The following AGBL1 variants were observed in gnomAD, a reference collection of about 807,000 sequenced individuals.
The protein encoded by AGBL1 is cytosolic carboxypeptidase 4.
AGBL1 carries 130 observed loss-of-function variants against 118.9 expected under a neutral mutation model. The ratio of observed to expected loss-of-function variants is 1.09; its 90% CI spans 0.95 to 1.26. The LOEUF (loss-of-function observed/expected upper bound fraction) is 1.26, where lower values mean the gene tolerates loss of function less well. AGBL1 is among the 50% of genes most tolerant of loss of function. AGBL1 has a pLI of 0.00. For synonymous variants in AGBL1, 555 were observed against 478.9 expected (o/e 1.16, Z -2.08); for missense variants, 1,584 against 1,298.1 (o/e 1.22, Z -3.38).
At chr15:86,369,282 A>G (rs1318134287) in intron 17 of AGBL1, among the ~76,000 whole-genome samples, 4 of 152,230 alleles carry the variant, frequency 2.6e-5, no homozygotes, top group African/African-American at 9.6e-5. Context: ...CAATGCCAAT[A>G]TGGAAGACTG....
At chr15:86,942,923 A>G (rs1355019895) in intron 23 of AGBL1, among the ~76,000 whole-genome samples, 3 of 152,188 alleles carry the variant, frequency 2.0e-5, no homozygotes, top group African/African-American at 7.2e-5. Flanking sequence ...TTTCCTTCTA[A>G]CACTGCAGGC....
chr15:86,098,840 C>A (rs1303847968), intron 1 of AGBL1, among the ~76,000 whole-genome samples: 1 of 151,582 alleles, frequency 6.6e-6, no homozygotes, highest in Non-Finnish European at 1.5e-5. Context: ...TTTTTTAATT[C>A]TGTGAAAAAT....
chr15:86,329,868 G>C (rs1352654177), intron 17 of AGBL1, among the ~76,000 whole-genome samples: 3 of 152,088 alleles, frequency 2.0e-5, no homozygotes, highest in African/African-American at 7.2e-5. Context: ...TCCAAGTGGA[G>C]AGGAGCCTTC....
At chr15:86,552,864 A>G (rs1456983312) in intron 20 of AGBL1, among the ~76,000 whole-genome samples, 1 of 152,094 alleles carries the variant, frequency 6.6e-6, no homozygotes, top group Non-Finnish European at 1.5e-5. Flanking sequence ...AGATGATTGT[A>G]AGTCTGGAGG....
At chr15:86,183,190 T>C (rs185491885) in intron 5 of AGBL1, among the ~76,000 whole-genome samples, 69 of 152,328 alleles carry the variant, frequency 4.5e-4, no homozygotes, top group African/African-American at 1.6e-3. Context: ...ATATTTTACT[T>C]TGGCATATTC....
chr15:86,877,178 G>A (rs2079822657), intron 22 of AGBL1, among the ~76,000 whole-genome samples: 1 of 152,068 alleles, frequency 6.6e-6, no homozygotes, highest in African/African-American at 2.4e-5. Flanking sequence ...CACTCTTCCT[G>A]TGCTCACTGA....
At chr15:86,737,537 C>A (rs2077619607) in intron 22 of AGBL1, among the ~76,000 whole-genome samples, 1 of 152,074 alleles carries the variant, frequency 6.6e-6, no homozygotes, top group Non-Finnish European at 1.5e-5. Context: ...AGAGTATGAG[C>A]CAGAGTCAGG....
rs752300601 is a variant in AGBL1 at position 86,264,421 on chromosome 15, G to A, written c.1250G>A (p.Cys417Tyr). 3.1e-6 allele frequency: 5 copies of A among 1,613,976 alleles called. No individual in the cohort carries two copies. Among genetic ancestry groups the A allele is most frequent in the Non-Finnish European group, 4.2e-6 (5 of 1,179,892 alleles). ...REYAVQTSLL[C>Y]RVKTGRSTVH... Reference sequence around the variant, plus strand: ...TATGCTGTCCAGACTTCCCTTCTGTGCAGGGTGAAGACGGGAAGGTCCACT... The same window carrying A: ...TATGCTGTCCAGACTTCCCTTCTGTACAGGGTGAAGACGGGAAGGTCCACT... The change falls in exon 11 of 23, where the codon TGC becomes TAC. Residue 417 changes from cysteine (C) to tyrosine (Y), a missense_variant. Physicochemically the swap from Cys to Tyr is radical, Grantham distance 194. Coordinates refer to ENST00000614907, the MANE Select transcript of AGBL1 (RefSeq NM_001386094.1).
rs1381955392 is a variant in AGBL1, at chr15:86,554,386, T to C, written c.2843T>C (p.Leu948Pro). The C allele has an allele frequency of 1.3e-6, 2 of 1,585,698 alleles. No homozygotes were observed. The highest frequency in any genetic ancestry group is 2.3e-5 in the South Asian group (2 of 86,426). Reference protein sequence around the residue: ...YRTLPKILDKLAPAFTMSSCS... With the variant: ...YRTLPKILDKPAPAFTMSSCS... ...ACTCTTCCCAAAATCCTTGATAAGC[T>C]AGCACCAGCATTCACAATGAGCAGC... The change falls in exon 21 of 23, where the codon CTA becomes CCA. Residue 948 changes from leucine (L) to proline (P), a missense_variant. Transcript: ENST00000614907.
chr15:86,871,586 G>C (rs2079729041), intron 22 of AGBL1, among the ~76,000 whole-genome samples: 1 of 152,102 alleles, frequency 6.6e-6, no homozygotes, highest in African/African-American at 2.4e-5. Flanking sequence ...TGTTCACTAA[G>C]CCTTAAGATG....
chr15:86,599,612 G>C (rs1023752300), intron 21 of AGBL1, among the ~76,000 whole-genome samples: 13 of 152,048 alleles, frequency 8.5e-5, no homozygotes, highest in African/African-American at 3.1e-4. Context: ...TGTTTCTTTG[G>C]GTAAGTGCCT....
chr15:86,985,743 C>A (rs145904082), intron 23 of AGBL1, among the ~76,000 whole-genome samples: 1 of 152,080 alleles, frequency 6.6e-6, no homozygotes, highest in African/African-American at 2.4e-5. Context: ...CGAAGTCCAA[C>A]GTATCAACAT....
At chr15:86,125,820 A>G (rs903270600) in intron 1 of AGBL1, among the ~76,000 whole-genome samples, 3 of 152,248 alleles carry the variant, frequency 2.0e-5, no homozygotes, top group Non-Finnish European at 2.9e-5. Flanking sequence ...ATTCCGGAAA[A>G]CAGGCATGAA....
At chr15:86,291,162 T>A (rs937937431) in intron 16 of AGBL1, among the ~76,000 whole-genome samples, 4 of 152,188 alleles carry the variant, frequency 2.6e-5, no homozygotes, top group African/African-American at 9.7e-5. Flanking sequence ...TAGTATGTTG[T>A]CTGAGCTTTT....
intron 21 of AGBL1, among the ~76,000 whole-genome samples, chr15:86,638,139 A>G (rs1375877772): frequency 6.6e-6 from 1 of 152,186 alleles, no homozygotes; most frequent in African/African-American, 2.4e-5. Flanking sequence ...CCTTTTGAAA[A>G]AAATCCTACA....
At chr15:86,330,923 A>G (rs2080258397) in intron 17 of AGBL1, among the ~76,000 whole-genome samples, 1 of 152,138 alleles carries the variant, frequency 6.6e-6, no homozygotes, top group Non-Finnish European at 1.5e-5. Context: ...ATAAAGAAAA[A>G]AGAATTTAAA....
chr15:86,121,922 T>G (rs918682401), intron 1 of AGBL1, among the ~76,000 whole-genome samples: 28 of 152,204 alleles, frequency 1.8e-4, no homozygotes, highest in Non-Finnish European at 3.2e-4. Context: ...AAATTTGGCT[T>G]TTTGAAAAGG....
rs118069712 is a variant in AGBL1 at position 86,223,972 on chromosome 15, C to T, written c.489-942C>T. 2.6e-4 allele frequency among the ~76,000 whole-genome samples: 39 copies of T among 152,188 alleles called. No individual in the cohort carries two copies. The East Asian group carries it at 7.0e-3, about 27-fold the overall frequency. On this transcript the variant is annotated intron_variant, in intron 5 of 22. Transcript: ENST00000614907. ...ATGGGGAGGAAGCAGAGGTGTGCAG[C>T]GAGATTCCTGGGATTGGGATCCCAG...
chr15:86,217,772 T>A (rs2078213310), intron 5 of AGBL1, among the ~76,000 whole-genome samples: 1 of 152,152 alleles, frequency 6.6e-6, no homozygotes, highest in African/African-American at 2.4e-5. Context: ...GAGAAAGTGG[T>A]GTGGGACAAA....
Sources: allele counts gnomAD v4.1 joint callset (sites outside exome capture counted in the v4.1 genomes callset), GRCh38; gene constraint gnomAD v4.1.1; transcripts MANE v1.5; gene names NCBI Gene and HGNC (gene_info 2026-07-23, HGNC 2026-07-21).